The following PCLO variants were observed in gnomAD, a reference collection of about 807,000 sequenced individuals.
PCLO encodes protein piccolo.
Under a neutral mutation model 427.5 loss-of-function variants are expected in PCLO, and 82 were observed. The ratio of observed to expected loss-of-function variants is 0.19; its 90% CI spans 0.16 to 0.23. PCLO has a LOEUF of 0.23. Ranked by LOEUF, PCLO falls within the 10% of genes least tolerant of loss-of-function variation. The pLI, the probability that PCLO is intolerant of heterozygous loss-of-function variation, is 1.00. For missense variants in PCLO, 6,239 were observed against 6,115.9 expected (o/e 1.02, Z -0.67); for synonymous variants, 2,357 against 2,155.4 (o/e 1.09, Z -2.59).
chr7:82,952,968 G>A lies in PCLO; in HGVS notation c.7985C>T (p.Ala2662Val). ...PVTAPSSFQA[A>V]PTSVTQFLTT... ...GAGAAACTGTGTAACTGATGTGGGAGCTGCTTGAAATGAAGAGGGTGCTGT... is the reference window on the plus strand; with the variant it reads ...GAGAAACTGTGTAACTGATGTGGGAACTGCTTGAAATGAAGAGGGTGCTGT... The change falls in exon 5 of 25, where the codon GCT becomes GTT. Residue 2662 changes from alanine to valine, a missense_variant. Ala to Val is a moderately conservative substitution (Grantham distance 64, BLOSUM62 0). Coordinates refer to ENST00000333891, the MANE Select transcript of PCLO (RefSeq NM_033026.6). 1 of 1,613,878 alleles carries A rather than the reference G, an allele frequency of 6.2e-7. No homozygotes were observed. The highest frequency in any genetic ancestry group is 1.3e-5 in the African/African-American group (1 of 75,048).
At chr7:82,842,525 A>G (rs1792392803) in intron 13 of PCLO, among the ~76,000 whole-genome samples, 1 of 152,120 alleles carries the variant, frequency 6.6e-6, no homozygotes, top group Non-Finnish European at 1.5e-5. Flanking sequence ...AGGCAACAAA[A>G]GCAAAAATAA....
At position 82,826,652 on chromosome 7, in the gene PCLO, C is replaced by T. The variant is rs1584017593; in HGVS notation, c.14352G>A (p.Lys4784=). 2 of 1,600,042 alleles carry T rather than the reference C, an allele frequency of 1.2e-6. No individual in the cohort carries two copies. Among genetic ancestry groups the T allele is most frequent in the East Asian group, 4.5e-5 (2 of 44,364 alleles). Residue 4784 remains lysine, a synonymous_variant, in exon 18 of 25, where the codon AAG becomes AAA. Coordinates refer to ENST00000333891, the MANE Select transcript of PCLO (RefSeq NM_033026.6). ...CCCAAACTGTCACCTCCAGTGTTTT[C>T]TTCTTGAGCTATATAGTTCAAATAG... ...YKSISMEQLK[K]KTLEVTVWDY...
chr7:83,134,371 G>T lies in PCLO; in HGVS notation c.3179C>A (p.Pro1060His). 6.2e-7 allele frequency: 1 copy of T among 1,613,666 alleles called. No homozygotes were observed. Among genetic ancestry groups the T allele is most frequent in the Non-Finnish European group, 8.5e-7 (1 of 1,179,796 alleles). ...TATGTTGAGTTCAGTTTTGCAGAGA[G>T]GACAGGTTGATTCTGGTTTGGGCGA... ...EKSPKPESTCPLCKTELNIGS... is the reference protein window; with the variant it reads ...EKSPKPESTCHLCKTELNIGS... The change falls in exon 3 of 25, where the codon CCT becomes CAT. Residue 1060 changes from proline to histidine, a missense_variant. Around this residue, in one of 5 missense-constraint regions of PCLO, gnomAD observed 4,677 missense variants for 4,468.4 expected, o/e 1.05. Transcript: ENST00000333891.
chr7:83,083,011 G>A (rs1372893838), intron 3 of PCLO, among the ~76,000 whole-genome samples: 1 of 151,700 alleles, frequency 6.6e-6, no homozygotes, highest in Non-Finnish European at 1.5e-5. Context: ...TCATAAATCA[G>A]TGGGGACAAA....
At chr7:83,068,294 G>C (rs906527582) in intron 3 of PCLO, among the ~76,000 whole-genome samples, 3 of 151,966 alleles carry the variant, frequency 2.0e-5, no homozygotes, top group Non-Finnish European at 4.4e-5. Context: ...GCAGAGAAAA[G>C]CACTTATTTT....
intron 3 of PCLO, among the ~76,000 whole-genome samples, chr7:83,094,153 G>T (rs898223253): frequency 3.3e-5 from 5 of 149,510 alleles, no homozygotes; most frequent in African/African-American, 1.2e-4. Context: ...GTCATTTCAA[G>T]AATGTTATAT....
intron 3 of PCLO, among the ~76,000 whole-genome samples, chr7:83,010,272 T>C (rs1788046505): frequency 1.3e-5 from 2 of 151,920 alleles, no homozygotes; most frequent in Admixed American, 6.6e-5. Flanking sequence ...TCTTATGATG[T>C]CCCCAGTTGA....
At chr7:82,765,903 A>T (rs986227668) in intron 22 of PCLO, among the ~76,000 whole-genome samples, 2 of 152,064 alleles carry the variant, frequency 1.3e-5, no homozygotes, top group Non-Finnish European at 2.9e-5. Flanking sequence ...GGGGAGAAAA[A>T]AAAGTAAAAT....
At chr7:83,042,850 ACT>A (rs1440400729) in intron 3 of PCLO, among the ~76,000 whole-genome samples, 2 of 152,096 alleles carry the variant, frequency 1.3e-5, no homozygotes, top group African/African-American at 2.4e-5. Context: ...CAAGAGTGAG[ACT>A]CTGTCTCAAA....
At chr7:83,050,289 A>C (rs1413227599) in intron 3 of PCLO, among the ~76,000 whole-genome samples, 3 of 95,368 alleles carry the variant, frequency 3.1e-5, no homozygotes, top group South Asian at 3.6e-4. Context: ...AAAAAAAAAA[A>C]CAAAACCAAA....
chr7:82,953,034 T>C lies in PCLO; in HGVS notation c.7919A>G (p.Tyr2640Cys), dbSNP rs1396379572. 37 of 1,613,784 alleles carry C rather than the reference T, an allele frequency of 2.3e-5. No homozygotes were observed. Among genetic ancestry groups the C allele is most frequent in the South Asian group, 3.3e-5 (3 of 91,076 alleles). The change falls in exon 5 of 25, where the codon TAC becomes TGC. Residue 2640 changes from tyrosine (Y) to cysteine (C), a missense_variant. Physicochemically the swap from Tyr to Cys is radical, Grantham distance 194 (BLOSUM62 -2). This residue lies in a region of PCLO where 4,677 missense variants were observed against 4,468.4 expected (regional missense o/e 1.05). Transcript: ENST00000333891. ...AAATGTCTGTAAAGCTCCAGAGATG[T>C]AGAAGGTCTGTTCTGAAGAAATTGG... ...EIPISSEQTF[Y>C]ISGALQTFSA...
chr7:82,785,616 T>C (rs932883213), intron 22 of PCLO, among the ~76,000 whole-genome samples: 5 of 152,132 alleles, frequency 3.3e-5, no homozygotes, highest in Non-Finnish European at 7.4e-5. Context: ...GGCGCAATGA[T>C]GGAGGCACTG....
chr7:83,141,463 A>G (rs1257185820), intron 2 of PCLO, among the ~76,000 whole-genome samples: 1 of 152,210 alleles, frequency 6.6e-6, no homozygotes, highest in Non-Finnish European at 1.5e-5. Flanking sequence ...AATTATCTCT[A>G]TGGAAAGGAA....
At chr7:82,840,242 G>C (rs2115772641) in intron 14 of PCLO, among the ~76,000 whole-genome samples, 1 of 152,146 alleles carries the variant, frequency 6.6e-6, no homozygotes, top group East Asian at 1.9e-4. Context: ...AGCCGGATCT[G>C]GAGTACAGAG....
intron 3 of PCLO, among the ~76,000 whole-genome samples, chr7:83,012,666 T>C (rs1788112086): frequency 6.8e-6 from 1 of 146,878 alleles, no homozygotes; most frequent in Non-Finnish European, 1.5e-5. Context: ...CAGATTTTTA[T>C]ATGAAACCCC....
chr7:82,812,633 A>T (rs1791596195), intron 20 of PCLO, among the ~76,000 whole-genome samples: 1 of 151,624 alleles, frequency 6.6e-6, no homozygotes, highest in Non-Finnish European at 1.5e-5. Flanking sequence ...TCGAATAAAT[A>T]GAATGAAAAA....
chr7:83,002,805 C>T lies in PCLO; in HGVS notation c.3301-36318G>A, dbSNP rs986369604. On this transcript the variant is annotated intron_variant, in intron 3 of 24. Coordinates refer to ENST00000333891, the MANE Select transcript of PCLO (RefSeq NM_033026.6). ...GCAGCCATTCATTCATTCATTTACT[C>T]GTAAATATTTACTATGCAAATAATA... Among the ~76,000 whole-genome samples the T allele has an allele frequency of 5.9e-5, 9 of 151,756 alleles. No homozygotes were observed. The South Asian group carries it at 8.3e-4, about 14-fold the overall frequency.
At chr7:82,932,647 G>A (rs1794866343) in intron 6 of PCLO, among the ~76,000 whole-genome samples, 1 of 152,076 alleles carries the variant, frequency 6.6e-6, no homozygotes, top group South Asian at 2.1e-4. Flanking sequence ...GAAAAACTGG[G>A]TGTGGGATCA....
intron 4 of PCLO, among the ~76,000 whole-genome samples, chr7:82,959,168 G>A (rs1234304212): frequency 6.6e-6 from 1 of 152,120 alleles, no homozygotes; most frequent in African/African-American, 2.4e-5. Flanking sequence ...CTGGGTTCAA[G>A]CCATTCTCCT....
Sources: allele counts gnomAD v4.1 joint callset (sites outside exome capture counted in the v4.1 genomes callset), GRCh38; gene constraint gnomAD v4.1.1; regional missense constraint gnomAD v4.1.1; transcripts MANE v1.5; gene names NCBI Gene and HGNC (gene_info 2026-07-23, HGNC 2026-07-21).